SGCZ: variants seen among roughly 807,000 people sequenced by gnomAD.
SGCZ encodes the protein sarcoglycan zeta.
SGCZ carries 40 observed loss-of-function variants against 41.3 expected under a neutral mutation model. The ratio of observed to expected loss-of-function variants is 0.97; its 90% CI spans 0.75 to 1.26. SGCZ has a LOEUF of 1.26. Ranked by LOEUF, SGCZ falls within the 50% of genes most tolerant of loss-of-function variation. SGCZ has a pLI of 0.00. For synonymous variants in SGCZ, 206 were observed against 137.5 expected (o/e 1.50, Z -3.49); for missense variants, 552 against 369.8 (o/e 1.49, Z -4.04).
At chr8:14,165,472 G>T (rs1284967239) in intron 4 of SGCZ, 4 of 152,120 alleles carry the variant, frequency 2.6e-5, no homozygotes, top group Admixed American at 1.3e-4. Context: ...AATCTAACTG[G>T]GCCTTGAAGG....
intron 1 of SGCZ, among the ~76,000 whole-genome samples, chr8:15,062,048 G>A (rs10111470): frequency 0.53 from 80,307 of 151,970 alleles, 22,294 homozygotes; most frequent in Admixed American, 0.63. Flanking sequence ...ACCAGAACTG[G>A]AATATCTACT....
intron 1 of SGCZ, among the ~76,000 whole-genome samples, chr8:14,883,288 C>G (rs1452616668): frequency 6.6e-6 from 1 of 151,142 alleles, no homozygotes; most frequent in Non-Finnish European, 1.5e-5. Flanking sequence ...GGAACTTTCT[C>G]CTGTATTTTT....
intron 1 of SGCZ, among the ~76,000 whole-genome samples, chr8:14,930,136 T>C (rs1033619841): frequency 5.3e-5 from 8 of 151,872 alleles, no homozygotes; most frequent in African/African-American, 1.9e-4. Flanking sequence ...ATTTGAAATT[T>C]ACAAGAAAAA....
At chr8:14,336,591 G>A (rs183783037) in intron 2 of SGCZ, among the ~76,000 whole-genome samples, 10 of 152,084 alleles carry the variant, frequency 6.6e-5, no homozygotes, top group African/African-American at 9.6e-5. Context: ...TTGCAACTTC[G>A]CCAGTATCTG....
At chr8:14,409,543 A>G (rs1414021645) in intron 2 of SGCZ, among the ~76,000 whole-genome samples, 1 of 152,160 alleles carries the variant, frequency 6.6e-6, no homozygotes, top group Non-Finnish European at 1.5e-5. Context: ...ACTTATGGGA[A>G]TTAAAGACAG....
At chr8:14,606,785 G>A (rs1017457664) in intron 1 of SGCZ, among the ~76,000 whole-genome samples, 1 of 152,134 alleles carries the variant, frequency 6.6e-6, no homozygotes, top group Non-Finnish European at 1.5e-5. Flanking sequence ...AAGAAGAAAT[G>A]CTATGATGTG....
At chr8:14,324,272 T>C (rs1802019926) in intron 2 of SGCZ, 68 bp from the exon 3 acceptor site, 7 of 1,128,106 alleles carry the variant, frequency 6.2e-6, no homozygotes, top group Admixed American at 1.8e-5. Flanking sequence ...ATAATTTTCT[T>C]AGGCCTAAAT....
Position 14,875,529 on chromosome 8 carries a change from A to C in SGCZ, c.40-320603T>G, listed in dbSNP as rs570156074. 3.9e-4 allele frequency among the ~76,000 whole-genome samples: 59 copies of C among 152,242 alleles called. No individual in the cohort carries two copies. The South Asian group carries it at 0.012, about 32-fold the overall frequency. On this transcript the variant is annotated intron_variant, in intron 1 of 7. Coordinates refer to ENST00000382080, the MANE Select transcript of SGCZ (RefSeq NM_139167.4). ...GAGCAGATAGAAGTCCCCACCTGAA[A>C]ACCAGAGAGAACAATACGAAAAGCA...
At chr8:14,411,321 T>C (rs1203224839) in intron 2 of SGCZ, among the ~76,000 whole-genome samples, 1 of 152,150 alleles carries the variant, frequency 6.6e-6, no homozygotes, top group Non-Finnish European at 1.5e-5. Flanking sequence ...TAAACATTCG[T>C]ATAGAAACCA....
chr8:14,425,991 TATTA>T (rs35361943), intron 2 of SGCZ, among the ~76,000 whole-genome samples: 3,052 of 152,294 alleles, frequency 0.02, 60 homozygotes, highest in Middle Eastern at 0.038. Context: ...TGTACCTAAA[TATTA>T]ATTAACATTA....
chr8:14,661,594 C>A (rs1435172038), intron 1 of SGCZ, among the ~76,000 whole-genome samples: 1 of 152,052 alleles, frequency 6.6e-6, no homozygotes, highest in Non-Finnish European at 1.5e-5. Context: ...GGTTAACAAA[C>A]CATGACTCAA....
At chr8:15,072,566 T>C (rs1805395104) in intron 1 of SGCZ, among the ~76,000 whole-genome samples, 1 of 152,200 alleles carries the variant, frequency 6.6e-6, no homozygotes, top group South Asian at 2.1e-4. Context: ...TTGTTGCTTT[T>C]CTAGCTAAGC....
At chr8:14,620,492 G>A (rs1806248967) in intron 1 of SGCZ, among the ~76,000 whole-genome samples, 1 of 152,078 alleles carries the variant, frequency 6.6e-6, no homozygotes, top group Non-Finnish European at 1.5e-5. Flanking sequence ...TACCATCAGA[G>A]TGAACAGGCA....
At chr8:15,116,972 T>A (rs1807291901) in intron 1 of SGCZ, among the ~76,000 whole-genome samples, 1 of 152,246 alleles carries the variant, frequency 6.6e-6, no homozygotes, top group South Asian at 2.1e-4. Context: ...TATGAATTTT[T>A]ATGCCATCAA....
chr8:14,206,235 A>G (rs780315714), intron 4 of SGCZ, among the ~76,000 whole-genome samples: 15 of 152,278 alleles, frequency 9.9e-5, no homozygotes, highest in East Asian at 1.9e-4. Flanking sequence ...ATCATTACCT[A>G]GTCTGTAATG....
chr8:15,070,039 AT>A (rs1372112470), intron 1 of SGCZ, among the ~76,000 whole-genome samples: 14 of 152,168 alleles, frequency 9.2e-5, no homozygotes. Context: ...TCCCTGCCTG[AT>A]CAAAATTATT....
chr8:14,239,669 G>A lies in SGCZ; in HGVS notation c.337-1990C>T, dbSNP rs1337098630. 2.2e-4 allele frequency among the ~76,000 whole-genome samples: 33 copies of A among 151,642 alleles called. 1 individual carries two copies. The highest frequency in any genetic ancestry group is 4.6e-4 in the Non-Finnish European group (31 of 67,938). On this transcript the variant is annotated intron_variant, in intron 3 of 7. Transcript: ENST00000382080. ...TGTAATTCCAGCACTTTGGGAGGCC[G>A]AGGCGGGCGGATCACGAGGTCAGGA...
chr8:15,213,997 A>C (rs1050361520), intron 1 of SGCZ, among the ~76,000 whole-genome samples: 3 of 149,894 alleles, frequency 2.0e-5, no homozygotes, highest in Non-Finnish European at 3.0e-5. Flanking sequence ...AAACTTGCCT[A>C]AGTTATTATT....
At chr8:15,138,544 G>T (rs551314301) in intron 1 of SGCZ, among the ~76,000 whole-genome samples, 9 of 152,194 alleles carry the variant, frequency 5.9e-5, no homozygotes, top group Admixed American at 3.3e-4. Context: ...GAAGCATGAG[G>T]GTGGTTTCCT....
Sources: gnomAD v4.1 joint callset for allele counts (sites outside exome capture counted in the v4.1 genomes callset) on GRCh38, gnomAD v4.1.1 for gene constraint, MANE v1.5 for transcripts, NCBI Gene and HGNC (gene_info 2026-07-23, HGNC 2026-07-21) for gene names.